The following ANO2 variants were observed in gnomAD, a reference collection of about 807,000 sequenced individuals.
ANO2 encodes anoctamin-2.
In ANO2, 101 loss-of-function variants were observed where a neutral mutation model predicts 124.2. The ratio of observed to expected loss-of-function variants is 0.81; its 90% CI spans 0.69 to 0.96. The LOEUF (loss-of-function observed/expected upper bound fraction) is 0.96, where lower values mean the gene tolerates loss of function less well. ANO2 is among the 40% of genes least tolerant of loss of function. The probability of loss-of-function intolerance (pLI) is 0.00; values close to 1 mark genes in which losing one functional copy is unlikely to be tolerated. For missense variants in ANO2, 1,293 were observed against 1,274.5 expected (o/e 1.01, Z -0.22); for synonymous variants, 486 against 482.5 (o/e 1.01, Z -0.09).
At chr12:5,922,033 A>G (rs908708805) in intron 2 of ANO2, among the ~76,000 whole-genome samples, 24 of 142,782 alleles carry the variant, frequency 1.7e-4, no homozygotes, top group Admixed American at 1.7e-3. Flanking sequence ...GGAATTCACC[A>G]GGCACTATTC....
At chr12:5,592,550 C>T (rs1158911851) in intron 20 of ANO2, among the ~76,000 whole-genome samples, 5 of 152,096 alleles carry the variant, frequency 3.3e-5, no homozygotes, top group Non-Finnish European at 5.9e-5. Context: ...CTGCACTGGG[C>T]GTGTGAACTT....
intron 3 of ANO2, among the ~76,000 whole-genome samples, chr12:5,896,513 T>C (rs1939800900): frequency 6.6e-6 from 1 of 152,130 alleles, no homozygotes; most frequent in Non-Finnish European, 1.5e-5. Context: ...AATTTTCCCC[T>C]CCTTTTAAGC....
chr12:5,837,467 T>C (rs1591676264), intron 4 of ANO2, among the ~76,000 whole-genome samples: 1 of 99,292 alleles, frequency 1.0e-5, no homozygotes, highest in African/African-American at 3.9e-5. Context: ...CCCGATGCTA[T>C]CCCTCCCCCC....
At position 5,635,849 on chromosome 12, in the gene ANO2, G is replaced by C. The variant is rs1409078260; in HGVS notation, c.1621-502C>G. Among the ~76,000 whole-genome samples, 2 of 152,188 alleles carry C rather than the reference G, an allele frequency of 1.3e-5. No individual in the cohort carries two copies. The highest frequency in any genetic ancestry group is 2.9e-5 in the Non-Finnish European group (2 of 68,020). ...AGTAAATTTGAGTGGTCAGGGAATA[G>C]TTTGTGGAGACAGTGGGATTTAAAA... On this transcript the variant is annotated intron_variant, in intron 15 of 24. Coordinates refer to ENST00000682330, the MANE Select transcript of ANO2 (RefSeq NM_001364791.2). This position sits in a 1 kb window ranked among gnomAD's most constrained non-coding sequence, Gnocchi z 5.2.
At chr12:5,807,416 C>A in intron 7 of ANO2, 48 bp from the exon 8 acceptor site, 2 of 1,494,672 alleles carry the variant, frequency 1.3e-6, no homozygotes, top group African/African-American at 1.4e-5. Context: ...GCAAGCGTTT[C>A]TCAACTTAAC....
In ANO2 at chr12:5,874,292, C is replaced by T. The variant is rs574524186; in HGVS notation, c.535-20151G>A. On this transcript the variant is annotated intron_variant, in intron 3 of 24. Transcript: ENST00000682330. The stretch of plus-strand genomic sequence containing the variant: ...TCACAACCAGGGAAGAGCACCCTGG[C>T]TTAGGTCAGGACAGGACTGAGACCT... 6.6e-5 allele frequency among the ~76,000 whole-genome samples: 10 copies of T among 152,288 alleles called. 1 individual carries two copies. The highest frequency in any genetic ancestry group is 1.9e-4 in the African/African-American group (8 of 41,570).
At chr12:5,638,239 T>TTTC (rs1383520518) in intron 15 of ANO2, among the ~76,000 whole-genome samples, 1 of 134,994 alleles carries the variant, frequency 7.4e-6, no homozygotes, top group Non-Finnish European at 1.6e-5. Context: ...TTCTTTTCCT[T>TTTC]TTTTTTTTTT....
intron 1 of ANO2, among the ~76,000 whole-genome samples, chr12:5,930,608 T>C (rs995060152): frequency 6.6e-5 from 10 of 152,138 alleles, no homozygotes; most frequent in Admixed American, 6.5e-4. Context: ...ACCCTCCCCC[T>C]GGACCCCTCC....
At chr12:5,590,820 G>T (rs1943359317) in intron 20 of ANO2, among the ~76,000 whole-genome samples, 1 of 152,170 alleles carries the variant, frequency 6.6e-6, no homozygotes, top group Non-Finnish European at 1.5e-5. Flanking sequence ...CCATATGGGG[G>T]CCAATGGAAT....
At position 5,920,170 on chromosome 12, in the gene ANO2, C is replaced by T. The variant is rs780637808; in HGVS notation, c.534+870G>A. On this transcript the variant is annotated intron_variant, in intron 3 of 24. Coordinates refer to ENST00000682330, the MANE Select transcript of ANO2 (RefSeq NM_001364791.2). ...GTGTATGAATGGATTTCCATGGATT[C>T]CCTTGCACTGACCAGAGGTGAGAGT... is the stretch of plus-strand genomic sequence containing the variant. Among the ~76,000 whole-genome samples the T allele has an allele frequency of 4.5e-4, 69 of 151,868 alleles. No individual in the cohort carries two copies. In the Middle Eastern group the frequency reaches 0.014, roughly 30 times the overall value.
At chr12:5,854,201 G>T in intron 3 of ANO2, 60 bp from the exon 4 acceptor site, 1 of 1,487,386 alleles carries the variant, frequency 6.7e-7, no homozygotes, top group African/African-American at 1.4e-5. Flanking sequence ...TTAAACTCCT[G>T]GTTCTTCAAC....
At chr12:5,880,815 G>C (rs1478018910) in intron 3 of ANO2, among the ~76,000 whole-genome samples, 4 of 146,636 alleles carry the variant, frequency 2.7e-5, no homozygotes, top group African/African-American at 1.0e-4. Flanking sequence ...TGAATAGATG[G>C]GTGGGTGGAT....
At chr12:5,922,838 C>T in intron 1 of ANO2, 34 bp from the exon 2 acceptor site, 1 of 1,462,644 alleles carries the variant, frequency 6.8e-7, no homozygotes, top group East Asian at 2.6e-5. Context: ...GGCAAAACAG[C>T]CTCAGGTGAA....
intron 3 of ANO2, among the ~76,000 whole-genome samples, chr12:5,893,989 C>T (rs1245917636): frequency 2.0e-5 from 3 of 152,016 alleles, no homozygotes; most frequent in Non-Finnish European, 4.4e-5. Flanking sequence ...ATTTATAATC[C>T]TCTGAGTATA....
rs757910195 is a variant in ANO2, at chr12:5,647,770, C to T, written c.1577G>A (p.Arg526His). ...DDEDKLTWKD[R>H]FPGYLMNFAS... is the part of the protein sequence containing the mutation. ...AAAGTTCATCAGGTAACCTGGGAAACGATCCTTCCAGGTCAGTTTATCTTC... is the reference window on the plus strand; with the variant it reads ...AAAGTTCATCAGGTAACCTGGGAAATGATCCTTCCAGGTCAGTTTATCTTC... Residue 526 changes from arginine (R) to histidine (H), a missense_variant, in exon 15 of 25, where the codon CGT becomes CAT. Coordinates refer to ENST00000682330, the MANE Select transcript of ANO2 (RefSeq NM_001364791.2). 1.4e-5 allele frequency: 22 copies of T among 1,610,340 alleles called. No individual in the cohort carries two copies. The highest frequency in any genetic ancestry group is 3.3e-5 in the South Asian group (3 of 89,590).
intron 23 of ANO2, among the ~76,000 whole-genome samples, chr12:5,568,668 G>T (rs1941924905): frequency 6.6e-6 from 1 of 152,212 alleles, no homozygotes; most frequent in Admixed American, 6.5e-5. Flanking sequence ...GAATAGAAGT[G>T]TTCACCAAAG....
intron 20 of ANO2, among the ~76,000 whole-genome samples, chr12:5,592,796 A>G (rs1044614960): frequency 1.3e-5 from 2 of 152,180 alleles, no homozygotes; most frequent in Admixed American, 6.5e-5. Context: ...AGTATCCACA[A>G]ATAGAAACTC....
chr12:5,688,789 A>C, intron 14 of ANO2, among the ~76,000 whole-genome samples: 1 of 147,842 alleles, frequency 6.8e-6, no homozygotes, highest in African/African-American at 2.5e-5. Context: ...TAAAGACAAA[A>C]CCCTGACCCA....
intron 14 of ANO2, among the ~76,000 whole-genome samples, chr12:5,729,353 T>C (rs1204632571): frequency 6.6e-6 from 1 of 152,130 alleles, no homozygotes; most frequent in African/African-American, 2.4e-5. Context: ...AGGCAAAGGA[T>C]TTGAATAGAT....
Sources: allele counts gnomAD v4.1 joint callset (sites outside exome capture counted in the v4.1 genomes callset), GRCh38; gene constraint gnomAD v4.1.1; non-coding constraint Gnocchi (gnomAD v3.1); transcripts MANE v1.5; gene names NCBI Gene and HGNC (gene_info 2026-07-23, HGNC 2026-07-21).